The following STPG2 variants were observed in gnomAD, a reference collection of about 807,000 sequenced individuals.
STPG2 encodes the protein sperm tail PG-rich repeat containing 2.
In STPG2, 56 loss-of-function variants were observed where a neutral mutation model predicts 54.2. The observed-to-expected ratio is 1.03, with a 90% CI of 0.83 to 1.29. The LOEUF (loss-of-function observed/expected upper bound fraction) is 1.29, where lower values mean the gene tolerates loss of function less well. Ranked by LOEUF, STPG2 falls within the 50% of genes most tolerant of loss-of-function variation. The probability of loss-of-function intolerance (pLI) is 0.00; values close to 1 mark genes in which losing one functional copy is unlikely to be tolerated. For missense variants in STPG2, 596 were observed against 544.9 expected (o/e 1.09, Z -0.93); for synonymous variants, 200 against 181.8 (o/e 1.10, Z -0.81).
chr4:97,476,237 T>A (rs1432541186), intron 4 of STPG2, among the ~76,000 whole-genome samples: 1 of 152,206 alleles, frequency 6.6e-6, no homozygotes, highest in African/African-American at 2.4e-5. Flanking sequence ...TTCTATAGTT[T>A]TCTTCATATG....
chr4:97,533,499 A>G (rs1731461397), intron 4 of STPG2, among the ~76,000 whole-genome samples: 1 of 152,160 alleles, frequency 6.6e-6, no homozygotes, highest in Non-Finnish European at 1.5e-5. Flanking sequence ...AAATATAAAC[A>G]TCCATATCAC....
In STPG2 at chr4:97,559,071, G is replaced by A; in HGVS notation, c.1367C>T (p.Ala456Val). The part of the protein sequence containing the change: ...KKGNLIGEMA[A>V]DIM ...CATAAATTTATGTCACATTATATCA[G>A]CAGCCATTTCACCAATGAGATTTCC... is the stretch of plus-strand genomic sequence containing the variant. The change falls in exon 11 of 11, where the codon GCT becomes GTT. Residue 456 changes from alanine (A) to valine (V), a missense_variant. By Grantham distance (64) the Ala-to-Val change is moderately conservative (BLOSUM62 0). Transcript: ENST00000295268. 1 of 1,602,450 alleles carries A rather than the reference G, an allele frequency of 6.2e-7. No homozygotes were observed. The highest frequency in any genetic ancestry group is 8.5e-7 in the Non-Finnish European group (1 of 1,175,652).
Position 97,559,025 on chromosome 4 carries a change from A to T in STPG2, c.*33T>A, listed in dbSNP as rs770715236. On this transcript the variant is annotated 3_prime_UTR_variant, in exon 11 of 11. Transcript: ENST00000295268. ...CAAAGAAATAAACTGACTTCCATGA[A>T]GTTGTTTTTTAAGTTTTTGCCATAA... 5.3e-6 allele frequency: 8 copies of T among 1,509,194 alleles called. No individual in the cohort carries two copies. The highest frequency in any genetic ancestry group is 6.4e-6 in the Non-Finnish European group (7 of 1,100,930). 93.5% of individuals were successfully genotyped at this position (1,509,194 alleles called of 1,614,324 possible). A position where few individuals can be genotyped will look rare whatever the true frequency, so the allele number is the denominator to read the frequency against.
chr4:97,546,943 G>A (rs983049232), intron 4 of STPG2, among the ~76,000 whole-genome samples: 1 of 152,100 alleles, frequency 6.6e-6, no homozygotes, highest in Non-Finnish European at 1.5e-5. Context: ...AAATATAGAA[G>A]AGACATATAA....
Position 97,553,566 on chromosome 4 carries a change from T to A in STPG2, c.462+159133A>T, listed in dbSNP as rs147190373. 1.9e-3 allele frequency among the ~76,000 whole-genome samples: 289 copies of A among 152,298 alleles called. 1 individual carries two copies. The highest frequency in any genetic ancestry group is 6.5e-3 in the African/African-American group (271 of 41,564). ...ATTTCAGATTCTCAGTATCTGCTTA[T>A]GTTTTAGGTAAAAAAAAGTATTCTA... On this transcript the variant is annotated intron_variant, in intron 4 of 4. Coordinates refer to the STPG2 transcript ENST00000522676.
rs191556909 is a variant in STPG2 at position 97,536,799 on chromosome 4, T to C, written c.462+175900A>G. ...TGCTAATAATCTAAAGGGTGCTCCA[T>C]CATGGAACTCATACATCTTAAATAT... On this transcript the variant is annotated intron_variant, in intron 4 of 4. Transcript: ENST00000522676. 1.6e-3 allele frequency among the ~76,000 whole-genome samples: 251 copies of C among 152,306 alleles called. 1 individual carries two copies. Among genetic ancestry groups the C allele is most frequent in the African/African-American group, 5.1e-3 (214 of 41,572 alleles).
intron 9 of STPG2, among the ~76,000 whole-genome samples, chr4:97,787,550 CTGTT>C (rs910305842): frequency 2.6e-5 from 4 of 151,890 alleles, no homozygotes; most frequent in African/African-American, 7.3e-5. Flanking sequence ...GATTTTGTGT[CTGTT>C]CGTGAGAGAT....
chr4:97,999,928 T>C (rs569206363), intron 5 of STPG2, among the ~76,000 whole-genome samples: 1 of 152,298 alleles, frequency 6.6e-6, no homozygotes, highest in East Asian at 1.9e-4. Flanking sequence ...AAATTAAATG[T>C]GGTGTCCAGA....
intron 5 of STPG2, among the ~76,000 whole-genome samples, chr4:98,068,966 G>A (rs1036429521): frequency 3.9e-5 from 6 of 152,006 alleles, no homozygotes; most frequent in South Asian, 4.1e-4. Flanking sequence ...ATCATCATAC[G>A]TGCAGTCCAT....
chr4:97,459,346 C>T (rs1238513835), intron 4 of STPG2, among the ~76,000 whole-genome samples: 1 of 151,884 alleles, frequency 6.6e-6, no homozygotes, highest in Non-Finnish European at 1.5e-5. Context: ...ACTTCTCTTT[C>T]GCTAATATTC....
At chr4:97,847,860 T>C (rs1729004313) in intron 8 of STPG2, among the ~76,000 whole-genome samples, 2 of 152,198 alleles carry the variant, frequency 1.3e-5, no homozygotes. Flanking sequence ...TATCTAAAAA[T>C]GACCAAGGTT....
intron 9 of STPG2, among the ~76,000 whole-genome samples, chr4:97,749,074 G>A (rs903078306): frequency 6.6e-6 from 1 of 151,572 alleles, no homozygotes; most frequent in Non-Finnish European, 1.5e-5. Flanking sequence ...GTTGCTAGAG[G>A]ATTCATGACA....
intron 9 of STPG2, among the ~76,000 whole-genome samples, chr4:97,729,438 A>C (rs547286018): frequency 6.6e-6 from 1 of 152,244 alleles, no homozygotes; most frequent in Admixed American, 6.5e-5. Flanking sequence ...TGGTGAAGCC[A>C]CCTATATGAG....
intron 7 of STPG2, among the ~76,000 whole-genome samples, chr4:97,963,520 C>T (rs554975148): frequency 7.2e-5 from 11 of 151,972 alleles, no homozygotes; most frequent in South Asian, 2.1e-4. Flanking sequence ...CCAGGTGTAA[C>T]GGCCCATGCC....
chr4:97,930,776 C>T (rs1732514774), intron 8 of STPG2, among the ~76,000 whole-genome samples: 1 of 152,030 alleles, frequency 6.6e-6, no homozygotes, highest in Non-Finnish European at 1.5e-5. Context: ...GGCAGTATGG[C>T]CATTTTAACA....
chr4:97,936,708 C>T (rs186888491), intron 8 of STPG2, among the ~76,000 whole-genome samples: 46 of 152,294 alleles, frequency 3.0e-4, no homozygotes, highest in Non-Finnish European at 5.7e-4. Context: ...CATTGGCCCC[C>T]ACTCTCTTCT....
At chr4:97,867,118 G>A (rs1475302579) in intron 8 of STPG2, among the ~76,000 whole-genome samples, 1 of 151,900 alleles carries the variant, frequency 6.6e-6, no homozygotes, top group Non-Finnish European at 1.5e-5. Context: ...GATCCATTTA[G>A]TACTGACACA....
chr4:97,646,420 C>A (rs945387945), intron 10 of STPG2, among the ~76,000 whole-genome samples: 1 of 151,938 alleles, frequency 6.6e-6, no homozygotes, highest in Non-Finnish European at 1.5e-5. Context: ...TGAAGGAAAT[C>A]AATAATGTAA....
Position 97,586,575 on chromosome 4 carries a change from TAGAG to T in STPG2, c.1321-27462_1321-27459del, listed in dbSNP as rs1426897587. Among the ~76,000 whole-genome samples, 16 of 151,988 alleles carry T rather than the reference TAGAG, an allele frequency of 1.1e-4. No individual in the cohort carries two copies. In the East Asian group the frequency reaches 2.7e-3, roughly 26 times the overall value. On this transcript the variant is annotated intron_variant, in intron 10 of 10. Transcript: ENST00000295268. ...ACAAAATAAAAATCTTTAAAGCACC[TAGAG>T]AGAAAGGCATCTTATTTATGGGGAA... is the stretch of plus-strand genomic sequence containing the variant.
Sources: allele counts gnomAD v4.1 joint callset (sites outside exome capture counted in the v4.1 genomes callset), GRCh38; gene constraint gnomAD v4.1.1; transcripts MANE v1.5; gene names NCBI Gene and HGNC (gene_info 2026-07-23, HGNC 2026-07-21).